Variants in KCNQ5 observed in about 807,000 individuals in gnomAD.
The protein encoded by KCNQ5 is potassium voltage-gated channel subfamily KQT member 5.
A neutral mutation model predicts 98.2 loss-of-function variants in KCNQ5; 30 were observed. The observed-to-expected ratio is 0.31, with a 90% CI of 0.23 to 0.41. The LOEUF is 0.41. Ranked by LOEUF, KCNQ5 falls within the 10% of genes least tolerant of loss-of-function variation. The pLI is 1.00. For missense variants in KCNQ5, 835 were observed against 1,182.5 expected (o/e 0.71, Z 4.31); for synonymous variants, 458 against 449.4 (o/e 1.02, Z -0.24).
At chr6:73,055,368 C>A in intron 3 of KCNQ5, 1 of 1,463,586 alleles carries the variant, frequency 6.8e-7, no homozygotes. Flanking sequence ...CACTATGGGG[C>A]TCTAGCCGGT....
intron 10 of KCNQ5, among the ~76,000 whole-genome samples, chr6:73,168,133 C>T (rs1777874406): frequency 6.6e-6 from 1 of 152,210 alleles, no homozygotes; most frequent in South Asian, 2.1e-4. Flanking sequence ...TCCCGCACCA[C>T]CGCCTGCATT....
intron 1 of KCNQ5, among the ~76,000 whole-genome samples, chr6:72,885,499 T>C (rs1045313301): frequency 6.6e-6 from 1 of 152,152 alleles, no homozygotes; most frequent in African/African-American, 2.4e-5. Context: ...GTACTAAATA[T>C]TATAAAATGG....
intron 1 of KCNQ5, among the ~76,000 whole-genome samples, chr6:72,766,148 C>A (rs1043024408): frequency 1.3e-5 from 2 of 151,938 alleles, no homozygotes; most frequent in Non-Finnish European, 2.9e-5. Flanking sequence ...AGAGAGGGAG[C>A]AAGCATTGCA....
At chr6:72,958,903 G>A (rs1767211130) in intron 1 of KCNQ5, among the ~76,000 whole-genome samples, 1 of 152,172 alleles carries the variant, frequency 6.6e-6, no homozygotes, top group Non-Finnish European at 1.5e-5. Context: ...TTCACTAACA[G>A]CACCAATGAA....
intron 9 of KCNQ5, among the ~76,000 whole-genome samples, chr6:73,128,361 A>T (rs1328638092): frequency 6.6e-6 from 1 of 152,222 alleles, no homozygotes; most frequent in Non-Finnish European, 1.5e-5. Flanking sequence ...TTAAAAAATT[A>T]GTTGGAAAAG....
chr6:72,901,942 T>C (rs1198464703), intron 1 of KCNQ5, among the ~76,000 whole-genome samples: 1 of 152,246 alleles, frequency 6.6e-6, no homozygotes, highest in Non-Finnish European at 1.5e-5. Context: ...TTTAGCAGTA[T>C]GGTTGTTTTC....
chr6:73,142,466 A>G lies in KCNQ5; in HGVS notation c.1468+8825A>G, dbSNP rs79705484. Among the ~76,000 whole-genome samples the G allele has an allele frequency of 7.1e-3, 1,068 of 151,448 alleles. 11 individuals are homozygous for G. The highest frequency in any genetic ancestry group is 0.024 in the African/African-American group (997 of 41,196). ...TGGGTTTATAACTTCTGGTCTAACC[A>G]TTTTATGTCCAGTATCCTTTGTATT... On this transcript the variant is annotated intron_variant, in intron 10 of 13. Coordinates refer to ENST00000370398, the MANE Select transcript of KCNQ5 (RefSeq NM_019842.4).
At chr6:73,122,359 T>A (rs1434655491) in intron 8 of KCNQ5, among the ~76,000 whole-genome samples, 1 of 152,190 alleles carries the variant, frequency 6.6e-6, no homozygotes, top group Non-Finnish European at 1.5e-5. Context: ...GGAAAAACTG[T>A]TTAATAATGA....
At chr6:73,088,651 C>G (rs1220749743) in intron 5 of KCNQ5, among the ~76,000 whole-genome samples, 2 of 152,168 alleles carry the variant, frequency 1.3e-5, no homozygotes, top group Admixed American at 1.3e-4. Flanking sequence ...GACTCAAGCT[C>G]TCATTCTCAG....
chr6:73,033,924 G>A (rs532917406), intron 2 of KCNQ5, among the ~76,000 whole-genome samples: 41 of 152,318 alleles, frequency 2.7e-4, no homozygotes, highest in African/African-American at 9.6e-4. Flanking sequence ...AAAGTAAGGA[G>A]AAGCTTGAAA....
chr6:72,748,769 T>C (rs1013878051), intron 1 of KCNQ5, among the ~76,000 whole-genome samples: 2 of 152,128 alleles, frequency 1.3e-5, no homozygotes, highest in Non-Finnish European at 2.9e-5. Flanking sequence ...GTTGGTGCTG[T>C]ACCAGGCAAA....
intron 1 of KCNQ5, among the ~76,000 whole-genome samples, chr6:72,691,410 G>A (rs961476275): frequency 2.6e-5 from 4 of 152,160 alleles, no homozygotes; most frequent in Non-Finnish European, 1.5e-5. Context: ...CTTTACAATT[G>A]CTCTGCGGTT....
intron 1 of KCNQ5, among the ~76,000 whole-genome samples, chr6:72,626,983 G>A (rs2098918260): frequency 6.6e-6 from 1 of 152,218 alleles, no homozygotes; most frequent in African/African-American, 2.4e-5. Context: ...ACATATTCTG[G>A]TGAATATAAT....
Position 73,194,986 on chromosome 6 carries a change from G to A in KCNQ5, c.2371G>A (p.Val791Ile). 1 of 1,614,200 alleles carries A rather than the reference G, an allele frequency of 6.2e-7. No homozygotes were observed. The highest frequency in any genetic ancestry group is 8.5e-7 in the Non-Finnish European group (1 of 1,180,042). Residue 791 changes from valine (V) to isoleucine (I), a missense_variant, in exon 14 of 14, where the codon GTT becomes ATT. Physicochemically the swap from Val to Ile is conservative, Grantham distance 29. Around this residue, in one of 10 missense-constraint regions of KCNQ5, gnomAD observed 416 missense variants for 446.9 expected, o/e 0.93. Transcript: ENST00000370398. Reference sequence around the variant, plus strand: ...CTGCCTTGTTGCCTCCAAGGAAAATGTTCAGGTTGCACAGTCAAATCTCAC... The same window carrying A: ...CTGCCTTGTTGCCTCCAAGGAAAATATTCAGGTTGCACAGTCAAATCTCAC... ...TTCLVASKEN[V>I]QVAQSNLTKD...
intron 1 of KCNQ5, among the ~76,000 whole-genome samples, chr6:72,836,471 T>C (rs980469937): frequency 3.9e-5 from 6 of 152,090 alleles, no homozygotes; most frequent in African/African-American, 1.4e-4. Context: ...ACAGGGTCAC[T>C]CAATCACCCA....
chr6:72,752,228 G>A (rs1413523071), intron 1 of KCNQ5, among the ~76,000 whole-genome samples: 1 of 152,058 alleles, frequency 6.6e-6, no homozygotes, highest in Non-Finnish European at 1.5e-5. Context: ...GGAGACAGGT[G>A]CAAAACGTTA....
At chr6:72,836,794 A>G (rs907922432) in intron 1 of KCNQ5, among the ~76,000 whole-genome samples, 2 of 152,140 alleles carry the variant, frequency 1.3e-5, no homozygotes, top group Non-Finnish European at 2.9e-5. Context: ...TATTGTTTCA[A>G]TTTCTAAAGG....
chr6:72,707,313 A>T (rs906714753), intron 1 of KCNQ5, among the ~76,000 whole-genome samples: 1 of 152,232 alleles, frequency 6.6e-6, no homozygotes, highest in Non-Finnish European at 1.5e-5. Flanking sequence ...AGCATAATTA[A>T]TATAAATCAG....
intron 1 of KCNQ5, among the ~76,000 whole-genome samples, chr6:72,894,414 G>C (rs140589652): frequency 6.6e-6 from 1 of 152,344 alleles, no homozygotes; most frequent in East Asian, 1.9e-4. Flanking sequence ...GGCAACTTGA[G>C]TGGCATTGAG....
Sources: gnomAD v4.1 joint callset for allele counts (sites outside exome capture counted in the v4.1 genomes callset) on GRCh38, gnomAD v4.1.1 for gene constraint, gnomAD v4.1.1 regional missense constraint, MANE v1.5 for transcripts, NCBI Gene and HGNC (gene_info 2026-07-23, HGNC 2026-07-21) for gene names.